Variants in KIF15 observed in about 807,000 individuals in gnomAD.
KIF15 encodes the protein kinesin family member 15.
A neutral mutation model predicts 190.6 loss-of-function variants in KIF15; 140 were observed. The ratio of observed to expected loss-of-function variants is 0.73; its 90% CI spans 0.64 to 0.84. KIF15 has a LOEUF of 0.84. Ranked by LOEUF, KIF15 falls within the 40% of genes least tolerant of loss-of-function variation. The pLI, the probability that KIF15 is intolerant of heterozygous loss-of-function variation, is 0.00. For missense variants in KIF15, 1,372 were observed against 1,584.4 expected, an observed-to-expected ratio of 0.87 and a Z score of 2.28; for synonymous variants, 528 against 551.3, an observed-to-expected ratio of 0.96 and a Z score of 0.59.
At chr3:44,765,512 A>G (rs1705337564) in intron 1 of KIF15, among the ~76,000 whole-genome samples, 1 of 152,178 alleles carries the variant, frequency 6.6e-6, no homozygotes, top group South Asian at 2.1e-4. Context: ...TGGTTTTGGT[A>G]GGGATCTCTT....
intron 6 of KIF15, among the ~76,000 whole-genome samples, chr3:44,859,155 G>A (rs1699215434): frequency 6.6e-6 from 1 of 152,222 alleles, no homozygotes; most frequent in South Asian, 2.1e-4. Flanking sequence ...AAGCTCCTGT[G>A]GGAGGCGGTC....
intron 6 of KIF15, chr3:44,865,189 G>C: frequency 6.2e-7 from 1 of 1,614,104 alleles, no homozygotes; most frequent in Middle Eastern, 1.6e-4. Context: ...AGCACCACTT[G>C]GCTAGACGGA....
intron 7 of KIF15, among the ~76,000 whole-genome samples, chr3:44,792,525 A>C (rs1431748647): frequency 6.6e-6 from 1 of 152,042 alleles, no homozygotes; most frequent in African/African-American, 2.4e-5. Context: ...GTTGCTGATT[A>C]ATAGGGTTAT....
chr3:44,806,041 A>G, intron 16 of KIF15, 55 bp downstream of exon 16: 4 of 1,570,754 alleles, frequency 2.5e-6, no homozygotes, highest in Non-Finnish European at 3.5e-6. Flanking sequence ...CATTTTATTA[A>G]TAATGGAGAG....
At chr3:44,798,219 G>A (rs1281597851) in intron 10 of KIF15, among the ~76,000 whole-genome samples, 1 of 151,906 alleles carries the variant, frequency 6.6e-6, no homozygotes, top group Non-Finnish European at 1.5e-5. Context: ...CTGGAGTGCA[G>A]TGGTGCAAAC....
chr3:44,787,267 C>T (rs1559533561), intron 7 of KIF15, among the ~76,000 whole-genome samples: 1 of 152,140 alleles, frequency 6.6e-6, no homozygotes, highest in East Asian at 1.9e-4. Context: ...ATCCCTGGCT[C>T]TTCCCCAAAA....
At chr3:44,824,007 C>A (rs976208820) in intron 20 of KIF15, among the ~76,000 whole-genome samples, 1 of 152,102 alleles carries the variant, frequency 6.6e-6, no homozygotes, top group South Asian at 2.1e-4. Context: ...GCTTGCCCTC[C>A]GTGGTCTGCA....
intron 6 of KIF15, among the ~76,000 whole-genome samples, chr3:44,864,642 C>G (rs1273677165): frequency 6.6e-6 from 1 of 152,212 alleles, no homozygotes; most frequent in Non-Finnish European, 1.5e-5. Context: ...TCCTAGGGTT[C>G]TGTGTACTCA....
chr3:44,858,819 G>A (rs1028932894), intron 6 of KIF15, among the ~76,000 whole-genome samples: 1 of 152,204 alleles, frequency 6.6e-6, no homozygotes, highest in African/African-American at 2.4e-5. Context: ...AGATAATGTG[G>A]AGTTGGTAGC....
intron 8 of KIF15, among the ~76,000 whole-genome samples, chr3:44,796,403 T>C (rs1378475805): frequency 6.6e-6 from 1 of 152,222 alleles, no homozygotes; most frequent in Non-Finnish European, 1.5e-5. Flanking sequence ...AAGTCTGTTC[T>C]AAAATGCTTT....
intron 32 of KIF15, among the ~76,000 whole-genome samples, chr3:44,851,224 C>G (rs1022803610): frequency 1.1e-4 from 17 of 152,276 alleles, no homozygotes; most frequent in African/African-American, 3.1e-4. Flanking sequence ...TATGATGGTG[C>G]CAGCGTACTC....
intron 30 of KIF15, among the ~76,000 whole-genome samples, chr3:44,847,639 T>G (rs1698906900): frequency 2.0e-5 from 3 of 152,228 alleles, no homozygotes; most frequent in South Asian, 4.1e-4. Flanking sequence ...CTCTTGGCTC[T>G]TTCTTTCAGC....
At chr3:44,826,829 A>G (rs1430719773) in intron 22 of KIF15, among the ~76,000 whole-genome samples, 1 of 152,198 alleles carries the variant, frequency 6.6e-6, no homozygotes, top group Non-Finnish European at 1.5e-5. Flanking sequence ...AATGTCCCCT[A>G]ACAGGAATGC....
In KIF15 at chr3:44,849,521, TTC is replaced by T. The variant is rs1698986752; in HGVS notation, c.3806+965_3806+966del. Among the ~76,000 whole-genome samples, 11 of 152,272 alleles carry T rather than the reference TTC, an allele frequency of 7.2e-5. No homozygotes were observed. In the East Asian group the frequency reaches 1.5e-3, roughly 21 times the overall value. On this transcript the variant is annotated intron_variant, in intron 32 of 34. Coordinates refer to ENST00000326047, the MANE Select transcript of KIF15 (RefSeq NM_020242.3). ...AGAAAAGAAAATAAAGCTCTTGCCATTCTTTTAAAAGTATTTAACTAATTTGC... is the reference window on the plus strand; with the variant it reads ...AGAAAAGAAAATAAAGCTCTTGCCATTTTTAAAAGTATTTAACTAATTTGC...
intron 6 of KIF15, among the ~76,000 whole-genome samples, chr3:44,858,499 T>G (rs1219493702): frequency 6.6e-6 from 1 of 150,768 alleles, no homozygotes; most frequent in African/African-American, 2.4e-5. Flanking sequence ...AGGGAGGGAG[T>G]GGAGGTGTCC....
In KIF15 at chr3:44,852,811, G is replaced by T. The variant is rs1329302161; in HGVS notation, c.*76G>T. 16 of 1,197,496 alleles carry T rather than the reference G, an allele frequency of 1.3e-5. No homozygotes were observed. In the African/African-American group the frequency reaches 2.3e-4, roughly 18 times the overall value. The allele number at this position is 1,197,496 out of a possible 1,614,324, so 74.2% of individuals were successfully genotyped here. ...CTTTTACAAGTAAGACCTACTCCTG[G>T]CCACTTAGGAGAGCTGAATTTATGG... On this transcript the variant is annotated 3_prime_UTR_variant, in exon 35 of 35. Coordinates refer to ENST00000326047, the MANE Select transcript of KIF15 (RefSeq NM_020242.3).
At chr3:44,806,038 TTAA>T (rs1559550546) in intron 16 of KIF15, 52 bp downstream of exon 16, 1 of 1,578,928 alleles carries the variant, frequency 6.3e-7, no homozygotes, top group East Asian at 2.2e-5. Flanking sequence ...TGTCATTTTA[TTAA>T]TAATGGAGAG....
chr3:44,826,484 C>G, intron 22 of KIF15, 24 bp downstream of exon 22: 2 of 1,428,806 alleles, frequency 1.4e-6, no homozygotes, highest in Non-Finnish European at 2.0e-6. Flanking sequence ...ATTTTTTCTA[C>G]TAGCATACTA....
intron 7 of KIF15, among the ~76,000 whole-genome samples, chr3:44,786,915 C>T (rs1298255757): frequency 2.6e-5 from 4 of 152,160 alleles, no homozygotes; most frequent in East Asian, 1.9e-4. Flanking sequence ...TTCTTTTCTA[C>T]GTTGCTTGCT....
Sources: allele counts gnomAD v4.1 joint callset (sites outside exome capture counted in the v4.1 genomes callset), GRCh38; gene constraint gnomAD v4.1.1; transcripts MANE v1.5; gene names NCBI Gene and HGNC (gene_info 2026-07-23, HGNC 2026-07-21).